The following PTPRN2 variants were observed in gnomAD, a reference collection of about 807,000 sequenced individuals.
PTPRN2 encodes the protein protein tyrosine phosphatase receptor type N2.
In PTPRN2, 74 loss-of-function variants were observed where a neutral mutation model predicts 118.8. That is an observed-to-expected ratio of 0.62 (90% CI 0.52 to 0.76). The LOEUF (loss-of-function observed/expected upper bound fraction) is 0.76. Among genes scored for constraint, PTPRN2 ranks in the 30% least tolerant of loss-of-function variants. The probability of loss-of-function intolerance (pLI) is 0.00; values close to 1 mark genes in which losing one functional copy is unlikely to be tolerated. For missense variants in PTPRN2, 1,481 were observed against 1,394.4 expected, an observed-to-expected ratio of 1.06 and a Z score of -0.99; for synonymous variants, 641 against 608.0, an observed-to-expected ratio of 1.05 and a Z score of -0.80.
intron 11 of PTPRN2, among the ~76,000 whole-genome samples, chr7:157,912,809 G>A (rs984097758): frequency 5.3e-5 from 8 of 152,096 alleles, no homozygotes; most frequent in Non-Finnish European, 1.0e-4. Flanking sequence ...TTCTATTTAA[G>A]GGTCTACTCC....
At chr7:158,415,969 G>T (rs770095880) in intron 2 of PTPRN2, among the ~76,000 whole-genome samples, 1 of 152,160 alleles carries the variant, frequency 6.6e-6, no homozygotes, top group African/African-American at 2.4e-5. Context: ...TCCCCATGAC[G>T]TGTCTGGTGG....
chr7:157,971,769 C>T (rs779373838), intron 11 of PTPRN2, among the ~76,000 whole-genome samples: 4 of 152,188 alleles, frequency 2.6e-5, no homozygotes, highest in African/African-American at 4.8e-5. Context: ...GACTTCACTG[C>T]CAGAGGCGAC....
intron 3 of PTPRN2, among the ~76,000 whole-genome samples, chr7:158,251,772 ATG>A (rs761613081): frequency 4.6e-5 from 7 of 152,164 alleles, no homozygotes; most frequent in Admixed American, 2.0e-4. Flanking sequence ...GCACGTATGC[ATG>A]TGTGTGTCCC....
At chr7:158,562,771 G>A (rs1021469881) in intron 1 of PTPRN2, among the ~76,000 whole-genome samples, 5 of 152,292 alleles carry the variant, frequency 3.3e-5, no homozygotes, top group African/African-American at 7.2e-5. Context: ...TGAATCATAC[G>A]TGAAGCCTTG....
chr7:158,543,360 C>T (rs534428100), intron 1 of PTPRN2, among the ~76,000 whole-genome samples: 11 of 152,360 alleles, frequency 7.2e-5, no homozygotes, highest in African/African-American at 1.9e-4. Context: ...GCCGCCCCGC[C>T]GGCTGTTCCC....
In PTPRN2 at chr7:158,171,073, T is replaced by TAC. The variant is rs1199310899; in HGVS notation, c.550-3784_550-3783dup. ...TATATACACATATATACACATTATATACACATATATATACACACATATATA... is the reference window on the plus strand; with the variant it reads ...TATATACACATATATACACATTATATACACACATATATATACACACATATATA... On this transcript the variant is annotated intron_variant, in intron 5 of 22. Transcript: ENST00000389418. Among the ~76,000 whole-genome samples, 104 of 81,840 alleles carry TAC rather than the reference T, an allele frequency of 1.3e-3. 3 individuals carry two copies. Among genetic ancestry groups the TAC allele is most frequent in the African/African-American group, 3.6e-3 (95 of 26,210 alleles). 53.7% of individuals were successfully genotyped at this position (81,840 alleles called of 152,430 possible). A position where few individuals can be genotyped will look rare whatever the true frequency, so the allele number is the denominator to read the frequency against.
At chr7:158,335,505 A>T (rs1805386918) in intron 2 of PTPRN2, among the ~76,000 whole-genome samples, 2 of 51,712 alleles carry the variant, frequency 3.9e-5, no homozygotes, top group South Asian at 2.2e-3. Flanking sequence ...CGTCACTCAC[A>T]CCCACACTCT....
intron 2 of PTPRN2, among the ~76,000 whole-genome samples, chr7:158,488,778 G>A (rs1407504041): frequency 1.3e-5 from 2 of 152,280 alleles, no homozygotes; most frequent in African/African-American, 2.4e-5. Flanking sequence ...CCTGCCCACA[G>A]TCTGAGGACA....
intron 14 of PTPRN2, among the ~76,000 whole-genome samples, chr7:157,639,597 T>C (rs770159936): frequency 6.6e-6 from 1 of 152,108 alleles, no homozygotes; most frequent in Non-Finnish European, 1.5e-5. Flanking sequence ...AAAGTGAAAC[T>C]GGAATGGGGG....
intron 2 of PTPRN2, among the ~76,000 whole-genome samples, chr7:158,440,999 GATGGGGGTGGTGGTAGTC>G (rs1817019827): frequency 2.1e-5 from 3 of 146,188 alleles, no homozygotes; most frequent in African/African-American, 5.5e-5. Context: ...TGATGGCAGT[GATGGGGGTGGTGGTAGTC>G]GTGGTGGTGG....
intron 11 of PTPRN2, among the ~76,000 whole-genome samples, chr7:157,902,798 T>C (rs530992520): frequency 4.6e-5 from 7 of 152,314 alleles, no homozygotes; most frequent in Non-Finnish European, 7.3e-5. Flanking sequence ...AAGCACGTGC[T>C]GTGGTTCAAC....
At chr7:157,579,408 A>G (rs976368080) in intron 17 of PTPRN2, among the ~76,000 whole-genome samples, 1 of 152,248 alleles carries the variant, frequency 6.6e-6, no homozygotes, top group African/African-American at 2.4e-5. Flanking sequence ...CAGGCTTTCA[A>G]ACCTGCTCCT....
intron 6 of PTPRN2, among the ~76,000 whole-genome samples, chr7:158,148,670 C>T: frequency 2.1e-5 from 2 of 93,892 alleles, no homozygotes; most frequent in African/African-American, 7.7e-5. Flanking sequence ...CTCAATGACA[C>T]CCCATCTCAC....
At chr7:158,272,295 T>C (rs1466900914) in intron 3 of PTPRN2, among the ~76,000 whole-genome samples, 1 of 152,194 alleles carries the variant, frequency 6.6e-6, no homozygotes, top group Non-Finnish European at 1.5e-5. Context: ...TCTCCCTGCC[T>C]GGGCTGTACT....
chr7:158,295,577 T>C (rs1395046331), intron 3 of PTPRN2, among the ~76,000 whole-genome samples: 2 of 138,028 alleles, frequency 1.4e-5, no homozygotes, highest in Non-Finnish European at 3.1e-5. Flanking sequence ...TGACCCTGCC[T>C]GTCTGCCCAG....
In PTPRN2 at chr7:157,857,088, G is replaced by A. The variant is rs374065679; in HGVS notation, c.1788+41585C>T. Among the ~76,000 whole-genome samples the A allele has an allele frequency of 6.4e-4, 97 of 151,678 alleles. 1 individual carries two copies. The South Asian group carries it at 0.02, about 31-fold the overall frequency. Reference sequence around the variant, plus strand: ...AGTCACAGCCGGGGCCACAGCACGAGGGCATGGCCATCGGCATTGCTGGTG... The same window carrying A: ...AGTCACAGCCGGGGCCACAGCACGAAGGCATGGCCATCGGCATTGCTGGTG... On this transcript the variant is annotated intron_variant, in intron 12 of 22. Coordinates refer to ENST00000389418, the MANE Select transcript of PTPRN2 (RefSeq NM_002847.5).
chr7:157,870,800 A>G (rs61703638), intron 12 of PTPRN2, among the ~76,000 whole-genome samples: 3,395 of 152,320 alleles, frequency 0.022, 129 homozygotes, highest in African/African-American at 0.078. Flanking sequence ...GCCTCGTGCC[A>G]GCCTCCCGCA....
At chr7:157,771,333 G>A (rs1429223881) in intron 12 of PTPRN2, among the ~76,000 whole-genome samples, 4 of 152,206 alleles carry the variant, frequency 2.6e-5, no homozygotes, top group African/African-American at 9.6e-5. Flanking sequence ...TCCAATTTGG[G>A]ATAATTTGCT....
chr7:158,117,423 A>G (rs1280094222), intron 9 of PTPRN2, among the ~76,000 whole-genome samples: 1 of 152,210 alleles, frequency 6.6e-6, no homozygotes, highest in Non-Finnish European at 1.5e-5. Flanking sequence ...GACATGTGGG[A>G]TACCACTAAG....
Sources: allele counts gnomAD v4.1 joint callset (sites outside exome capture counted in the v4.1 genomes callset), GRCh38; gene constraint gnomAD v4.1.1; transcripts MANE v1.5; gene names NCBI Gene and HGNC (gene_info 2026-07-23, HGNC 2026-07-21).